Variants in RBM46 observed in about 807,000 individuals in gnomAD.
RBM46 encodes the protein probable RNA-binding protein 46.
A neutral mutation model predicts 43.3 loss-of-function variants in RBM46; 12 were observed. That is an observed-to-expected ratio of 0.28 (90% confidence interval 0.18 to 0.45). The LOEUF is 0.45. RBM46 is among the 20% of genes least tolerant of loss of function. The pLI, the probability that RBM46 is intolerant of heterozygous loss-of-function variation, is 1.00. For missense variants in RBM46, 412 were observed against 639.1 expected, an observed-to-expected ratio of 0.64 and a Z score of 3.83; for synonymous variants, 205 against 207.6, an observed-to-expected ratio of 0.99 and a Z score of 0.11.
chr4:154,820,098 G>A (rs1379064315), intron 4 of RBM46, among the ~76,000 whole-genome samples: 1 of 151,856 alleles, frequency 6.6e-6, no homozygotes, highest in African/African-American at 2.4e-5. Context: ...AAAGATAAAC[G>A]ATAATTTGTT....
intron 4 of RBM46, among the ~76,000 whole-genome samples, chr4:154,811,177 G>T (rs1735153900): frequency 6.6e-6 from 1 of 152,146 alleles, no homozygotes; most frequent in Non-Finnish European, 1.5e-5. Context: ...ACCTAAACTG[G>T]TATTGGGGTC....
intron 4 of RBM46, among the ~76,000 whole-genome samples, chr4:154,811,651 ATGTGTGTGTGTGTGTGTCTGTG>A (rs1252730622): frequency 1.5e-5 from 2 of 132,530 alleles, no homozygotes; most frequent in Admixed American, 1.5e-4. Flanking sequence ...TAGATAGGAT[ATGTGTGTGTGTGTGTGTCTGTG>A]TGTGTGTGTG....
chr4:154,799,887 G>A (rs1049939640), intron 4 of RBM46, among the ~76,000 whole-genome samples: 8 of 151,534 alleles, frequency 5.3e-5, no homozygotes, highest in Non-Finnish European at 1.0e-4. Flanking sequence ...AGCCTCCCGC[G>A]TAGCTGGGAC....
intron 4 of RBM46, among the ~76,000 whole-genome samples, chr4:154,813,800 G>A (rs563162377): frequency 6.6e-6 from 1 of 152,060 alleles, no homozygotes; most frequent in East Asian, 1.9e-4. Flanking sequence ...TGCTAATATA[G>A]CAGGCTTATT....
intron 4 of RBM46, among the ~76,000 whole-genome samples, chr4:154,812,295 C>T (rs1735217091): frequency 6.6e-6 from 1 of 152,152 alleles, no homozygotes; most frequent in South Asian, 2.1e-4. Flanking sequence ...CTTTAGGAAA[C>T]CTACAGGCCC....
Position 154,815,033 on chromosome 4 carries a change from C to T in RBM46, c.1403-12835C>T, listed in dbSNP as rs73855235. Among the ~76,000 whole-genome samples, 1,489 of 152,036 alleles carry T rather than the reference C, an allele frequency of 9.8e-3. 14 individuals are homozygous for T. Among genetic ancestry groups the T allele is most frequent in the African/African-American group, 0.034 (1,406 of 41,502 alleles). ...CCCAGACATTACTTTCCTTCCTGCT[C>T]AAAGGAGGCCACTCCTCTGACTTAT... On this transcript the variant is annotated intron_variant, in intron 4 of 4. Coordinates refer to ENST00000281722, the MANE Select transcript of RBM46 (RefSeq NM_144979.5).
chr4:154,818,435 A>C (rs1407196232), intron 4 of RBM46, among the ~76,000 whole-genome samples: 1 of 152,098 alleles, frequency 6.6e-6, no homozygotes, highest in African/African-American at 2.4e-5. Context: ...TTCTCTTGGG[A>C]AATCTGTTGT....
chr4:154,797,325 C>T (rs539998371), intron 2 of RBM46, among the ~76,000 whole-genome samples: 9 of 152,192 alleles, frequency 5.9e-5, no homozygotes, highest in Non-Finnish European at 1.2e-4. Context: ...TTCCTTTGCC[C>T]GAAACCCTTC....
intron 4 of RBM46, among the ~76,000 whole-genome samples, chr4:154,807,054 G>A (rs574627453): frequency 1.2e-4 from 18 of 151,762 alleles, no homozygotes; most frequent in Non-Finnish European, 2.4e-4. Flanking sequence ...AGCTACTGCT[G>A]TATTAATCTA....
intron 1 of RBM46, among the ~76,000 whole-genome samples, chr4:154,796,396 C>T (rs530596901): frequency 1.3e-5 from 2 of 152,296 alleles, no homozygotes; most frequent in Admixed American, 6.5e-5. Context: ...CAGGTATATT[C>T]ATTGATGGCT....
Position 154,827,931 on chromosome 4 carries a change from G to T in RBM46, c.1466G>T (p.Gly489Val). The change falls in exon 5 of 5, where the codon GGG (glycine) becomes GTG (valine). Residue 489 changes from glycine (G) to valine (V), a missense_variant. This residue lies in a region of RBM46 where 149 missense variants were observed against 156.3 expected (regional missense o/e 0.95). Coordinates refer to ENST00000281722, the MANE Select transcript of RBM46 (RefSeq NM_144979.5). ...LSPVSATLSS[G>V]TPSVLPYTSR... Reference sequence around the variant, plus strand: ...CCTGTTAGTGCTACCCTCTCTTCTGGGACTCCCAGCGTGCTTCCTTATACT... The same window carrying T: ...CCTGTTAGTGCTACCCTCTCTTCTGTGACTCCCAGCGTGCTTCCTTATACT... 6.2e-7 allele frequency: 1 copy of T among 1,613,752 alleles called. No individual in the cohort carries two copies. Among genetic ancestry groups the T allele is most frequent in the African/African-American group, 1.3e-5 (1 of 74,964 alleles).
chr4:154,791,345 G>GTTTT (rs1734082049), intron 1 of RBM46, among the ~76,000 whole-genome samples: 1 of 152,136 alleles, frequency 6.6e-6, no homozygotes, highest in Non-Finnish European at 1.5e-5. Flanking sequence ...GCCAGTTTAG[G>GTTTT]AAGTGTCTGG....
intron 4 of RBM46, among the ~76,000 whole-genome samples, chr4:154,809,318 G>A (rs1412609482): frequency 6.6e-6 from 1 of 151,968 alleles, no homozygotes; most frequent in African/African-American, 2.4e-5. Context: ...AAAGCAGCTT[G>A]ATGATATCAG....
At position 154,828,267 on chromosome 4, in the gene RBM46, T is replaced by C; in HGVS notation, c.*200T>C. 1.8e-6 allele frequency: 1 copy of C among 562,664 alleles called. No individual in the cohort carries two copies. The highest frequency in any genetic ancestry group is 3.1e-6 in the Non-Finnish European group (1 of 318,808). 34.9% of individuals were successfully genotyped at this position (562,664 alleles called of 1,614,324 possible). ...TAAAAATGCAAAGTTTAAAAAGTTA[T>C]TCAGTGGTTTCTCTTGATAAAGGTA... On this transcript the variant is annotated 3_prime_UTR_variant, in exon 5 of 5. Coordinates refer to ENST00000281722, the MANE Select transcript of RBM46 (RefSeq NM_144979.5).
At chr4:154,791,017 C>T (rs1734062782) in intron 1 of RBM46, among the ~76,000 whole-genome samples, 1 of 152,092 alleles carries the variant, frequency 6.6e-6, no homozygotes, top group Non-Finnish European at 1.5e-5. Context: ...CAATTTTGGC[C>T]AACCACACTT....
At chr4:154,804,053 C>G (rs983134490) in intron 4 of RBM46, among the ~76,000 whole-genome samples, 2 of 152,178 alleles carry the variant, frequency 1.3e-5, no homozygotes, top group African/African-American at 4.8e-5. Context: ...TGGGATGTGC[C>G]TGCCTCTGCT....
At position 154,799,495 on chromosome 4, in the gene RBM46, C is replaced by G. The variant is rs751073076; in HGVS notation, c.1333C>G (p.Pro445Ala). ...AAATGGATCCCAGAGTTACTTCATG[C>G]CAGACAAACTCTGTACTACGTTAGA... ...IANGSQSYFM[P>A]DKLCTTLEDA... is the part of the protein sequence containing the mutation. Residue 445 changes from proline to alanine, a missense_variant, in exon 4 of 5, where the codon CCA (proline) becomes GCA (alanine). By Grantham distance (27) the Pro-to-Ala change is conservative. This residue lies in a region of RBM46 where 149 missense variants were observed against 156.3 expected (regional missense o/e 0.95). Coordinates refer to ENST00000281722, the MANE Select transcript of RBM46 (RefSeq NM_144979.5). 6.2e-7 allele frequency: 1 copy of G among 1,611,888 alleles called. No individual in the cohort carries two copies. The highest frequency in any genetic ancestry group is 8.5e-7 in the Non-Finnish European group (1 of 1,179,052).
At chr4:154,796,513 T>C (rs548798760) in intron 1 of RBM46, among the ~76,000 whole-genome samples, 1 of 152,320 alleles carries the variant, frequency 6.6e-6, no homozygotes, top group South Asian at 2.1e-4. Flanking sequence ...GTCCCTTTCT[T>C]ATAGCTTAGG....
chr4:154,807,099 T>C (rs1193502505), intron 4 of RBM46, among the ~76,000 whole-genome samples: 1 of 151,816 alleles, frequency 6.6e-6, no homozygotes, highest in East Asian at 1.9e-4. Context: ...TTTTTAAAAA[T>C]GGTTTTAAAA....
Sources: allele counts gnomAD v4.1 joint callset (sites outside exome capture counted in the v4.1 genomes callset), GRCh38; gene constraint gnomAD v4.1.1; regional missense constraint gnomAD v4.1.1; transcripts MANE v1.5; gene names NCBI Gene and HGNC (gene_info 2026-07-23, HGNC 2026-07-21).